The following SLC25A26 variants were observed in gnomAD, a reference collection of about 807,000 sequenced individuals.
SLC25A26 encodes the protein solute carrier family 25 member 26.
SLC25A26 carries 36 observed loss-of-function variants against 37.8 expected under a neutral mutation model. The ratio of observed to expected loss-of-function variants is 0.95; its 90% CI spans 0.73 to 1.26. The LOEUF is 1.26. Among genes scored for constraint, SLC25A26 ranks in the 50% most tolerant of loss-of-function variants. The pLI, the probability that SLC25A26 is intolerant of heterozygous loss-of-function variation, is 0.00. For missense variants in SLC25A26, 390 were observed against 331.1 expected (o/e 1.18, Z -1.38); for synonymous variants, 129 against 122.5 (o/e 1.05, Z -0.35).
intron 1 of SLC25A26, among the ~76,000 whole-genome samples, chr3:66,231,199 G>A (rs1265063217): frequency 1.3e-5 from 2 of 152,116 alleles, no homozygotes; most frequent in African/African-American, 4.8e-5. Flanking sequence ...TTCAGGACGT[G>A]TTTGAGATGT....
chr3:66,184,006 C>T (rs2070766982), intron 1 of SLC25A26, among the ~76,000 whole-genome samples: 1 of 152,074 alleles, frequency 6.6e-6, no homozygotes, highest in African/African-American at 2.4e-5. Flanking sequence ...TTACCCTTAC[C>T]CTTTCACACT....
In SLC25A26 at chr3:66,236,407, G is replaced by T. The variant is rs188291587; in HGVS notation, c.34-137G>T. 0.22 allele frequency: 116,492 copies of T among 518,158 alleles called. 15,044 individuals are homozygous for T. Among genetic ancestry groups the T allele is most frequent in the African/African-American group, 0.41 (20,860 of 50,898 alleles). The allele number at this position is 518,158 out of a possible 1,614,324, so 32.1% of individuals were successfully genotyped here. On this transcript the variant is annotated intron_variant, in intron 1 of 9. Coordinates refer to ENST00000354883, the MANE Select transcript of SLC25A26 (RefSeq NM_001379210.1). ...TAGATTTAGGCTGACGGTCCTTTGT[G>T]CCGCAGAAGTTGTGGACTGAAAGGA...
intron 7 of SLC25A26, among the ~76,000 whole-genome samples, chr3:66,364,776 A>G (rs1428095328): frequency 6.6e-6 from 1 of 151,942 alleles, no homozygotes; most frequent in Non-Finnish European, 1.5e-5. Context: ...TGTCATATCA[A>G]TAAAGTTACT....
At chr3:66,224,113 A>G (rs1042148571) in intron 1 of SLC25A26, among the ~76,000 whole-genome samples, 16 of 152,328 alleles carry the variant, frequency 1.1e-4, no homozygotes, top group African/African-American at 2.2e-4. Flanking sequence ...CATTGCATGT[A>G]TGTATATTTG....
chr3:66,158,604 C>T (rs1264803780), intron 1 of SLC25A26, among the ~76,000 whole-genome samples: 4 of 152,152 alleles, frequency 2.6e-5, no homozygotes. Context: ...TATAGCCTCG[C>T]CAACACTTGC....
At chr3:66,288,938 C>T (rs1234177695) in intron 5 of SLC25A26, among the ~76,000 whole-genome samples, 1 of 152,132 alleles carries the variant, frequency 6.6e-6, no homozygotes, top group African/African-American at 2.4e-5. Flanking sequence ...TTTACACTCC[C>T]ACCAACAGTG....
At chr3:66,350,069 T>C (rs2076414806) in intron 6 of SLC25A26, among the ~76,000 whole-genome samples, 1 of 152,224 alleles carries the variant, frequency 6.6e-6, no homozygotes, top group Non-Finnish European at 1.5e-5. Context: ...TTTTTGTGTT[T>C]ACAATTTTAT....
chr3:66,195,983 T>A, intron 1 of SLC25A26, among the ~76,000 whole-genome samples: 1 of 152,360 alleles, frequency 6.6e-6, no homozygotes, highest in Non-Finnish European at 1.5e-5. Flanking sequence ...TGATATACAT[T>A]TATTTGTATG....
intron 9 of SLC25A26, 48 bp from the exon 10 acceptor site, chr3:66,377,642 C>CT (rs1027781373): frequency 1.1e-5 from 16 of 1,487,792 alleles, no homozygotes; most frequent in African/African-American, 4.2e-5. Context: ...GGAATTTAAC[C>CT]TTTTTTTAAA....
intron 5 of SLC25A26, among the ~76,000 whole-genome samples, chr3:66,283,869 A>G (rs1022844064): frequency 1.3e-5 from 2 of 152,218 alleles, no homozygotes; most frequent in Admixed American, 6.5e-5. Context: ...TGAACATGGT[A>G]TCTCCATTTA....
At chr3:66,316,444 C>G (rs937909153) in intron 5 of SLC25A26, among the ~76,000 whole-genome samples, 23 of 152,290 alleles carry the variant, frequency 1.5e-4, no homozygotes, top group Non-Finnish European at 7.4e-5. Context: ...ATATCAGCCC[C>G]TAATGTCTTC....
In SLC25A26 at chr3:66,303,923, G is replaced by A. The variant is rs903420719; in HGVS notation, c.453+40544G>A. 4.6e-5 allele frequency among the ~76,000 whole-genome samples: 7 copies of A among 152,292 alleles called. No individual in the cohort carries two copies. In the East Asian group the frequency reaches 5.8e-4, roughly 13 times the overall value. On this transcript the variant is annotated intron_variant, in intron 5 of 9. Transcript: ENST00000354883. ...ACTGAGGATCCTGTTTCTTGTTAGC[G>A]ATTGGATGGTGACCACACTTTACTT...
chr3:66,330,309 C>T (rs1269832074), intron 5 of SLC25A26, among the ~76,000 whole-genome samples: 1 of 152,076 alleles, frequency 6.6e-6, no homozygotes, highest in Non-Finnish European at 1.5e-5. Context: ...TATTAGACAA[C>T]CTAATGGAAA....
At chr3:66,236,864 T>A (rs1304546166) in intron 2 of SLC25A26, 164 bp downstream of exon 2, 1 of 257,132 alleles carries the variant, frequency 3.9e-6, no homozygotes, top group Admixed American at 6.5e-5. Flanking sequence ...TTAGTCACGG[T>A]CTCACTTTGT....
intron 1 of SLC25A26, among the ~76,000 whole-genome samples, chr3:66,151,009 T>C (rs1672663894): frequency 6.6e-6 from 1 of 151,984 alleles, no homozygotes. Context: ...CACGTTCTAA[T>C]GCCACACCGG....
chr3:66,313,225 G>T (rs1478421325), intron 5 of SLC25A26, among the ~76,000 whole-genome samples: 3 of 152,144 alleles, frequency 2.0e-5, no homozygotes, highest in African/African-American at 7.2e-5. Flanking sequence ...CAATGGTATT[G>T]CCTAGATTTT....
rs556617899 is a variant in SLC25A26, at chr3:66,342,084, T to C, written c.454-4280T>C. Among the ~76,000 whole-genome samples the C allele has an allele frequency of 2.6e-5, 4 of 152,248 alleles. No homozygotes were observed. The East Asian group carries it at 5.8e-4, about 22-fold the overall frequency. ...AGTAGAATGGAAAACTCTAAACCAC[T>C]AGAATTTGGAAATCATCATGCAAGA... is the stretch of plus-strand genomic sequence containing the variant. On this transcript the variant is annotated intron_variant, in intron 5 of 9. Transcript: ENST00000354883.
At chr3:66,359,682 G>A (rs577840786) in intron 6 of SLC25A26, among the ~76,000 whole-genome samples, 8 of 152,276 alleles carry the variant, frequency 5.3e-5, no homozygotes, top group African/African-American at 1.9e-4. Context: ...TAAAGAAAAA[G>A]CGATTCCATT....
intron 1 of SLC25A26, among the ~76,000 whole-genome samples, chr3:66,157,477 C>T (rs2070298837): frequency 6.6e-6 from 1 of 152,206 alleles, no homozygotes. Flanking sequence ...TTAACTTCTA[C>T]AATTATACTA....
Sources: gnomAD v4.1 joint callset for allele counts (sites outside exome capture counted in the v4.1 genomes callset) on GRCh38, gnomAD v4.1.1 for gene constraint, MANE v1.5 for transcripts, NCBI Gene and HGNC (gene_info 2026-07-23, HGNC 2026-07-21) for gene names.